Variants in SPTLC3 observed in about 807,000 individuals in gnomAD.
SPTLC3 encodes serine palmitoyltransferase 3.
Under a neutral mutation model 59.3 loss-of-function variants are expected in SPTLC3, and 36 were observed. That is an observed-to-expected ratio of 0.61 (90% CI 0.47 to 0.80). SPTLC3 has a LOEUF of 0.80. SPTLC3 is among the 30% of genes least tolerant of loss of function. SPTLC3 has a pLI of 0.00. For missense variants in SPTLC3, 625 were observed against 685.1 expected, an observed-to-expected ratio of 0.91 and a Z score of 0.98; for synonymous variants, 257 against 240.8, an observed-to-expected ratio of 1.07 and a Z score of -0.62.
At chr20:13,035,400 C>G (rs1986689471) in intron 1 of SPTLC3, among the ~76,000 whole-genome samples, 1 of 152,140 alleles carries the variant, frequency 6.6e-6, no homozygotes, top group Admixed American at 6.6e-5. Context: ...TCTACTCCAG[C>G]TATCCTACTT....
chr20:13,061,669 C>T (rs1987980393), intron 2 of SPTLC3, among the ~76,000 whole-genome samples: 1 of 152,128 alleles, frequency 6.6e-6, no homozygotes, highest in South Asian at 2.1e-4. Context: ...CCTTTGTACC[C>T]AAAGTCAAAT....
intron 11 of SPTLC3, among the ~76,000 whole-genome samples, chr20:13,163,522 A>C (rs2038938168): frequency 1.3e-5 from 2 of 152,152 alleles, no homozygotes; most frequent in African/African-American, 4.8e-5. Flanking sequence ...GCTAGAAACT[A>C]TCCCAGAGAG....
intron 1 of SPTLC3, among the ~76,000 whole-genome samples, chr20:13,036,169 C>T (rs765063990): frequency 2.0e-4 from 31 of 152,080 alleles, no homozygotes; most frequent in Non-Finnish European, 4.1e-4. Flanking sequence ...AAAATACATG[C>T]TAAAAGTGCA....
At chr20:13,039,483 T>A (rs954359168) in intron 1 of SPTLC3, among the ~76,000 whole-genome samples, 20 of 152,238 alleles carry the variant, frequency 1.3e-4, no homozygotes, top group Middle Eastern at 3.4e-3. Flanking sequence ...ATTCTTTTAC[T>A]TTTAACTTGT....
intron 9 of SPTLC3, among the ~76,000 whole-genome samples, chr20:13,131,241 C>T (rs2038113781): frequency 6.6e-6 from 1 of 152,196 alleles, no homozygotes. Flanking sequence ...TCTTACCTTA[C>T]TACACCTTCT....
chr20:13,033,302 A>G (rs2122440891), intron 1 of SPTLC3, among the ~76,000 whole-genome samples: 1 of 152,274 alleles, frequency 6.6e-6, no homozygotes, highest in African/African-American at 2.4e-5. Flanking sequence ...ACAGAAATTT[A>G]TTTCTATTCA....
chr20:13,139,682 G>A (rs1423649688), intron 9 of SPTLC3, among the ~76,000 whole-genome samples: 1 of 152,176 alleles, frequency 6.6e-6, no homozygotes, highest in Admixed American at 6.5e-5. Flanking sequence ...AGTTAACTAT[G>A]TGCCTAGGAG....
At chr20:13,084,522 A>G (rs1000405545) in intron 4 of SPTLC3, among the ~76,000 whole-genome samples, 8 of 152,192 alleles carry the variant, frequency 5.3e-5, no homozygotes, top group Non-Finnish European at 1.0e-4. Context: ...AGGGTAAACT[A>G]AACTCTCAAG....
At chr20:13,086,500 A>G (rs759080119) in intron 4 of SPTLC3, among the ~76,000 whole-genome samples, 7 of 152,222 alleles carry the variant, frequency 4.6e-5, no homozygotes, top group Non-Finnish European at 8.8e-5. Context: ...AATCTGAGCT[A>G]TGAACACCAA....
intron 5 of SPTLC3, among the ~76,000 whole-genome samples, chr20:13,092,639 C>G (rs1989266697): frequency 6.6e-6 from 1 of 151,998 alleles, no homozygotes; most frequent in South Asian, 2.1e-4. Flanking sequence ...ATAGATAACT[C>G]CTAAATGTTC....
intron 10 of SPTLC3, 75 bp downstream of exon 10, chr20:13,154,213 A>G (rs2038714640): frequency 6.4e-7 from 1 of 1,569,952 alleles, no homozygotes; most frequent in Admixed American, 1.7e-5. Context: ...CACAGGCGTT[A>G]GATTATGCAT....
chr20:13,016,958 A>G (rs577034907), intron 1 of SPTLC3, among the ~76,000 whole-genome samples: 1 of 152,122 alleles, frequency 6.6e-6, no homozygotes, highest in Non-Finnish European at 1.5e-5. Context: ...TAGTAACTCA[A>G]CCAAGGTCAC....
At chr20:13,085,809 T>G (rs1032738424) in intron 4 of SPTLC3, among the ~76,000 whole-genome samples, 7 of 152,208 alleles carry the variant, frequency 4.6e-5, no homozygotes, top group Non-Finnish European at 1.0e-4. Context: ...ATTTGACTGA[T>G]GGCAGCAAAT....
At chr20:13,070,209 T>C (rs1988385313) in intron 2 of SPTLC3, among the ~76,000 whole-genome samples, 2 of 152,170 alleles carry the variant, frequency 1.3e-5, no homozygotes, top group Non-Finnish European at 2.9e-5. Flanking sequence ...TCACAGCTAC[T>C]TAAAGAAAAT....
chr20:13,139,839 G>A (rs567627852), intron 9 of SPTLC3, among the ~76,000 whole-genome samples: 47 of 152,252 alleles, frequency 3.1e-4, no homozygotes, highest in South Asian at 1.0e-3. Flanking sequence ...TAGAATAAAA[G>A]TATCTAAGAA....
chr20:13,115,528 C>A (rs1001636550), intron 7 of SPTLC3, among the ~76,000 whole-genome samples: 1 of 152,166 alleles, frequency 6.6e-6, no homozygotes, highest in Non-Finnish European at 1.5e-5. Context: ...CTATTTGTGG[C>A]ATGTCAGGTT....
intron 1 of SPTLC3, among the ~76,000 whole-genome samples, chr20:13,043,630 G>A (rs1040648829): frequency 9.2e-5 from 14 of 152,282 alleles, no homozygotes; most frequent in Admixed American, 2.6e-4. Context: ...TCAAGGGGTC[G>A]TGTTCCAGGA....
intron 9 of SPTLC3, among the ~76,000 whole-genome samples, chr20:13,128,597 C>T (rs1463469902): frequency 6.6e-6 from 1 of 152,116 alleles, no homozygotes; most frequent in African/African-American, 2.4e-5. Context: ...ATGGCCACAC[C>T]CCTGAAAAGA....
Position 13,104,715 on chromosome 20 carries a change from G to A in SPTLC3, c.827-5397G>A, listed in dbSNP as rs372705799. Among the ~76,000 whole-genome samples the A allele has an allele frequency of 2.2e-4, 33 of 152,278 alleles. No individual in the cohort carries two copies. The South Asian group carries it at 6.2e-3, about 29-fold the overall frequency. ...ATAGTGGTCATTTTAAGTCCGTGGT[G>A]TGTCATTGTGACTCAAGAACCACAC... is the stretch of plus-strand genomic sequence containing the variant. On this transcript the variant is annotated intron_variant, in intron 6 of 11. Coordinates refer to ENST00000399002, the MANE Select transcript of SPTLC3 (RefSeq NM_018327.4).
Sources: allele counts gnomAD v4.1 joint callset (sites outside exome capture counted in the v4.1 genomes callset), GRCh38; gene constraint gnomAD v4.1.1; transcripts MANE v1.5; gene names NCBI Gene and HGNC (gene_info 2026-07-23, HGNC 2026-07-21).